The following FGD4 variants were observed in gnomAD, a reference collection of about 807,000 sequenced individuals.
The protein encoded by FGD4 is FYVE, RhoGEF and PH domain containing 4, also known as FYVE, RhoGEF and PH domain-containing protein 4.
FGD4 carries 42 observed loss-of-function variants against 102.0 expected under a neutral mutation model. The ratio of observed to expected loss-of-function variants is 0.41; its 90% confidence interval spans 0.32 to 0.53. The LOEUF (loss-of-function observed/expected upper bound fraction) is 0.53, where lower values mean the gene tolerates loss of function less well. Ranked by LOEUF, FGD4 falls within the 20% of genes least tolerant of loss-of-function variation. The pLI is 0.21. For missense variants in FGD4, 902 were observed against 1,078.2 expected (o/e 0.84, Z 2.29); for synonymous variants, 380 against 375.7 (o/e 1.01, Z -0.13).
intron 1 of FGD4, among the ~76,000 whole-genome samples, chr12:32,543,376 C>T (rs572596435): frequency 6.6e-6 from 1 of 152,242 alleles, no homozygotes; most frequent in Non-Finnish European, 1.5e-5. Context: ...ATCATGTAGA[C>T]GTGATCAATT....
intron 1 of FGD4, among the ~76,000 whole-genome samples, chr12:32,484,584 T>A (rs1435925730): frequency 6.6e-6 from 1 of 152,188 alleles, no homozygotes; most frequent in Non-Finnish European, 1.5e-5. Flanking sequence ...AAAATACCCC[T>A]TTTTAGGCTG....
At chr12:32,418,457 C>T (rs978996495) in intron 1 of FGD4, among the ~76,000 whole-genome samples, 13 of 151,950 alleles carry the variant, frequency 8.6e-5, no homozygotes, top group African/African-American at 2.7e-4. Context: ...TGGTTCTTGC[C>T]GACTTATAGA....
At chr12:32,540,993 A>G (rs924059160) in intron 1 of FGD4, among the ~76,000 whole-genome samples, 3 of 152,174 alleles carry the variant, frequency 2.0e-5, no homozygotes, top group African/African-American at 7.2e-5. Context: ...AAATAGTCAG[A>G]CTTTTTATTT....
intron 1 of FGD4, among the ~76,000 whole-genome samples, chr12:32,413,531 G>A (rs1207154782): frequency 3.9e-5 from 6 of 152,160 alleles, no homozygotes; most frequent in Non-Finnish European, 7.3e-5. Context: ...TAAGAGAAGC[G>A]TTCAGAGGAA....
intron 1 of FGD4, among the ~76,000 whole-genome samples, chr12:32,429,896 G>T (rs1941990553): frequency 6.6e-6 from 1 of 151,916 alleles, no homozygotes; most frequent in Admixed American, 6.6e-5. Flanking sequence ...TATCAGCAAG[G>T]TCTTTGTGAC....
intron 10 of FGD4, among the ~76,000 whole-genome samples, chr12:32,613,885 T>C (rs1277669608): frequency 1.3e-5 from 2 of 152,174 alleles, no homozygotes; most frequent in African/African-American, 4.8e-5. Context: ...GAAGTTTGGA[T>C]GCAAAAATGA....
intron 1 of FGD4, chr12:32,534,254 T>C: frequency 7.9e-7 from 1 of 1,269,464 alleles, no homozygotes. Context: ...GTCCGTCCTC[T>C]GGGGAGGTGT....
intron 1 of FGD4, among the ~76,000 whole-genome samples, chr12:32,408,695 G>C (rs1437263140): frequency 6.6e-6 from 1 of 152,082 alleles, no homozygotes; most frequent in Non-Finnish European, 1.5e-5. Context: ...GTCTTCTTTT[G>C]GACTGGCTTG....
chr12:32,608,549 G>A (rs960872097), intron 8 of FGD4, among the ~76,000 whole-genome samples: 1 of 152,214 alleles, frequency 6.6e-6, no homozygotes, highest in African/African-American at 2.4e-5. Flanking sequence ...ACAGGAAATG[G>A]TGCTTTTTAT....
rs116204994 is a variant in FGD4, at chr12:32,606,829, G to A, written c.1405-1128G>A. Among the ~76,000 whole-genome samples, 269 of 152,074 alleles carry A rather than the reference G, an allele frequency of 1.8e-3. 1 individual carries two copies. The highest frequency in any genetic ancestry group is 5.6e-3 in the African/African-American group (232 of 41,480). On this transcript the variant is annotated intron_variant, in intron 7 of 16. Coordinates refer to ENST00000534526, the MANE Select transcript of FGD4 (RefSeq NM_001370298.3). ...ACAGTTTCTTGGAAGCAAGTGATACGGTCTTAATTTTGCCCTAAGAAATGG... is the reference window on the plus strand; with the variant it reads ...ACAGTTTCTTGGAAGCAAGTGATACAGTCTTAATTTTGCCCTAAGAAATGG...
intron 4 of FGD4, among the ~76,000 whole-genome samples, chr12:32,587,687 G>C (rs1947159270): frequency 6.6e-6 from 1 of 152,116 alleles, no homozygotes; most frequent in Non-Finnish European, 1.5e-5. Flanking sequence ...TGCCTGGCCA[G>C]ACACATCACT....
rs905467808 is a variant in FGD4 at position 32,506,337 on chromosome 12, T to A, written c.167-57800T>A. Among the ~76,000 whole-genome samples, 2 of 152,170 alleles carry A rather than the reference T, an allele frequency of 1.3e-5. No homozygotes were observed. Among genetic ancestry groups the A allele is most frequent in the Admixed American group, 6.5e-5 (1 of 15,272 alleles). On this transcript the variant is annotated intron_variant, in intron 1 of 16. Transcript: ENST00000534526. The surrounding 1 kb of genome is among the most constrained non-coding windows in gnomAD (Gnocchi z 4.5). ...TAAAAAACATTAACTGCCAAGCCAA[T>A]TGGATGCATATGTTTCTCAGCTTGC...
At chr12:32,619,283 C>T (rs1371923459) in intron 10 of FGD4, among the ~76,000 whole-genome samples, 1 of 152,034 alleles carries the variant, frequency 6.6e-6, no homozygotes, top group Non-Finnish European at 1.5e-5. Context: ...GCAGGAAGTA[C>T]TGTGTTGTCT....
At chr12:32,401,873 C>G (rs1015173532) in intron 1 of FGD4, among the ~76,000 whole-genome samples, 1 of 150,710 alleles carries the variant, frequency 6.6e-6, no homozygotes, top group African/African-American at 2.4e-5. Context: ...GTTACAGGTG[C>G]CTGCCACCAT....
chr12:32,610,985 T>C (rs1296842419), intron 9 of FGD4, 151 bp downstream of exon 9: 4 of 1,249,162 alleles, frequency 3.2e-6, no homozygotes, highest in Non-Finnish European at 4.6e-6. Flanking sequence ...GGAATAATTC[T>C]CTGAACTTGC....
At chr12:32,472,649 T>G (rs2136522614) in intron 1 of FGD4, among the ~76,000 whole-genome samples, 1 of 152,308 alleles carries the variant, frequency 6.6e-6, no homozygotes, top group Middle Eastern at 3.4e-3. Flanking sequence ...CCCAGTCCCA[T>G]CGATCACCCA....
rs1351956428 is a variant in FGD4 at position 32,568,076 on chromosome 12, C to G, written c.319+3787C>G. On this transcript the variant is annotated intron_variant, in intron 2 of 16. Coordinates refer to ENST00000534526, the MANE Select transcript of FGD4 (RefSeq NM_001370298.3). ...TGTCTCTGGAACAATATATGGTTTA[C>G]GTTTTTGTGTTTATTAATTACCAGT... Among the ~76,000 whole-genome samples the G allele has an allele frequency of 2.2e-5, 3 of 138,772 alleles. No individual in the cohort carries two copies. In the East Asian group the frequency reaches 5.8e-4, roughly 27 times the overall value. The allele number at this position is 138,772 out of a possible 152,430, so 91.0% of individuals were successfully genotyped here.
intron 1 of FGD4, among the ~76,000 whole-genome samples, chr12:32,523,591 A>G (rs1437276902): frequency 6.6e-6 from 1 of 152,252 alleles, no homozygotes; most frequent in Non-Finnish European, 1.5e-5. Flanking sequence ...AGGTGGATGA[A>G]GCTAAGGGAC....
chr12:32,534,544 C>A, intron 1 of FGD4: 6 of 1,306,678 alleles, frequency 4.6e-6, no homozygotes, highest in Middle Eastern at 4.1e-4. Flanking sequence ...TCTTCCCCAG[C>A]GTGGGTCACT....
Sources: gnomAD v4.1 joint callset for allele counts (sites outside exome capture counted in the v4.1 genomes callset) on GRCh38, gnomAD v4.1.1 for gene constraint, Gnocchi (gnomAD v3.1) non-coding constraint, MANE v1.5 for transcripts, NCBI Gene and HGNC (gene_info 2026-07-23, HGNC 2026-07-21) for gene names.